CLSTN2: variants seen among roughly 807,000 people sequenced by gnomAD.
CLSTN2 encodes the protein calsyntenin-2.
In CLSTN2, 48 loss-of-function variants were observed where a neutral mutation model predicts 101.2. That is an observed-to-expected ratio of 0.47 (90% confidence interval 0.38 to 0.60). CLSTN2 has a LOEUF of 0.60. CLSTN2 is among the 20% of genes least tolerant of loss of function. CLSTN2 has a pLI of 0.00. For missense variants in CLSTN2, 1,160 were observed against 1,238.2 expected (o/e 0.94, Z 0.95); for synonymous variants, 481 against 463.6 (o/e 1.04, Z -0.48).
intron 2 of CLSTN2, among the ~76,000 whole-genome samples, chr3:140,380,260 TAATC>T (rs1223655813): frequency 2.0e-5 from 3 of 152,156 alleles, no homozygotes; most frequent in African/African-American, 7.2e-5. Flanking sequence ...GACCCCATCA[TAATC>T]AACCCATTGT....
chr3:140,456,656 G>A (rs887262034), intron 6 of CLSTN2, among the ~76,000 whole-genome samples: 14 of 151,984 alleles, frequency 9.2e-5, no homozygotes, highest in African/African-American at 3.1e-4. Context: ...ACATAGTGGC[G>A]CATGCCTGTA....
intron 2 of CLSTN2, among the ~76,000 whole-genome samples, chr3:140,377,042 A>AGAGAGAGGATG (rs143529942): frequency 2.0e-5 from 3 of 149,688 alleles, no homozygotes; most frequent in African/African-American, 4.9e-5. Flanking sequence ...GAGAGAGAGG[A>AGAGAGAGGATG]TGTGTGTGTG....
chr3:140,214,425 G>A (rs1243494476), intron 2 of CLSTN2, among the ~76,000 whole-genome samples: 3 of 149,252 alleles, frequency 2.0e-5, no homozygotes, highest in Non-Finnish European at 4.4e-5. Flanking sequence ...TTGCACTCCA[G>A]CCTGGGCCTT....
rs190833562 is a variant in CLSTN2 at position 140,132,152 on chromosome 3, A to G, written c.110-43799A>G. On this transcript the variant is annotated intron_variant, in intron 1 of 16. Coordinates refer to ENST00000458420, the MANE Select transcript of CLSTN2 (RefSeq NM_022131.3). ...TCGCTATTCTGCATGGCAGGCTCAC[A>G]TAACTCATGTTGGTTTGAAGTTTAA... is the stretch of plus-strand genomic sequence containing the variant. Among the ~76,000 whole-genome samples, 6 of 152,318 alleles carry G rather than the reference A, an allele frequency of 3.9e-5. No individual in the cohort carries two copies. The East Asian group carries it at 5.8e-4, about 15-fold the overall frequency.
rs528600642 is a variant in CLSTN2 at position 140,284,807 on chromosome 3, A to G, written c.232+108734A>G. Among the ~76,000 whole-genome samples the G allele has an allele frequency of 2.6e-5, 4 of 152,088 alleles. No homozygotes were observed. The East Asian group carries it at 7.8e-4, about 30-fold the overall frequency. ...TGTCCCATCTGCTTGTTCTGACACTACAGACCAGGGAGGTGGACAGAGTTA... is the reference window on the plus strand; with the variant it reads ...TGTCCCATCTGCTTGTTCTGACACTGCAGACCAGGGAGGTGGACAGAGTTA... On this transcript the variant is annotated intron_variant, in intron 2 of 16. Transcript: ENST00000458420.
At chr3:140,448,807 C>A (rs550139289) in intron 6 of CLSTN2, 103 bp downstream of exon 6, 2 of 1,019,048 alleles carry the variant, frequency 2.0e-6, no homozygotes, top group East Asian at 2.5e-5. Context: ...CCCTCCCTTC[C>A]TGCACTGATA....
chr3:140,454,868 C>T (rs1258313792), intron 6 of CLSTN2: 2 of 152,182 alleles, frequency 1.3e-5, no homozygotes, highest in Non-Finnish European at 2.9e-5. Flanking sequence ...GTCTCATGGC[C>T]AAGCTGATAT....
chr3:140,158,337 T>C (rs1197853795), intron 1 of CLSTN2, among the ~76,000 whole-genome samples: 1 of 152,142 alleles, frequency 6.6e-6, no homozygotes, highest in African/African-American at 2.4e-5. Context: ...CTAGAACTGA[T>C]AAATGACTTT....
rs540261886 is a variant in CLSTN2, at chr3:140,360,816, G to A, written c.233-42813G>A. Among the ~76,000 whole-genome samples, 25 of 152,162 alleles carry A rather than the reference G, an allele frequency of 1.6e-4. No individual in the cohort carries two copies. In the South Asian group the frequency reaches 4.6e-3, roughly 28 times the overall value. ...ATTAAAACTGACTCAAAAAGAAATA[G>A]AAAATCAGAATAGACTTCAATAAGC... On this transcript the variant is annotated intron_variant, in intron 2 of 16. Coordinates refer to ENST00000458420, the MANE Select transcript of CLSTN2 (RefSeq NM_022131.3).
intron 1 of CLSTN2, among the ~76,000 whole-genome samples, chr3:139,976,708 C>T (rs1032428624): frequency 1.3e-5 from 2 of 152,164 alleles, no homozygotes; most frequent in African/African-American, 2.4e-5. Flanking sequence ...CTACTGTGGC[C>T]TCGGACTGGT....
chr3:140,211,398 TCACACA>T (rs59994883), intron 2 of CLSTN2, among the ~76,000 whole-genome samples: 3 of 113,486 alleles, frequency 2.6e-5, no homozygotes, highest in Non-Finnish European at 3.5e-5. Context: ...GCTTGGTAAT[TCACACA>T]CACACACACA....
chr3:140,248,240 A>C (rs1231903119), intron 2 of CLSTN2, among the ~76,000 whole-genome samples: 1 of 152,234 alleles, frequency 6.6e-6, no homozygotes, highest in African/African-American at 2.4e-5. Context: ...AGGAAAAGCC[A>C]AAGGGGCTAT....
intron 2 of CLSTN2, among the ~76,000 whole-genome samples, chr3:140,353,797 A>C (rs1464630958): frequency 2.0e-5 from 3 of 152,164 alleles, no homozygotes; most frequent in Non-Finnish European, 4.4e-5. Context: ...TTCAATTCTA[A>C]ATAGTAATAC....
intron 1 of CLSTN2, among the ~76,000 whole-genome samples, chr3:140,121,866 G>T (rs1560101412): frequency 1.3e-5 from 2 of 152,122 alleles, no homozygotes; most frequent in Admixed American, 6.5e-5. Context: ...GGAGGACTAC[G>T]CTGCCAACAC....
At chr3:140,022,538 G>T (rs1190474746) in intron 1 of CLSTN2, among the ~76,000 whole-genome samples, 1 of 152,216 alleles carries the variant, frequency 6.6e-6, no homozygotes, top group African/African-American at 2.4e-5. Context: ...ACCAGGCCAG[G>T]AGACTGGGCG....
chr3:140,060,337 G>T (rs1258405127), intron 1 of CLSTN2, among the ~76,000 whole-genome samples: 1 of 152,124 alleles, frequency 6.6e-6, no homozygotes, highest in Non-Finnish European at 1.5e-5. Context: ...GGGGGTCATG[G>T]GAAGAAGACT....
chr3:140,452,428 A>G (rs1933274842), intron 6 of CLSTN2: 1 of 152,170 alleles, frequency 6.6e-6, no homozygotes, highest in African/African-American at 2.4e-5. Flanking sequence ...CTCTATGCAC[A>G]CCAGGAGTCA....
At chr3:140,475,068 A>G (rs557769858) in intron 8 of CLSTN2, among the ~76,000 whole-genome samples, 2 of 137,942 alleles carry the variant, frequency 1.4e-5, no homozygotes, top group African/African-American at 5.0e-5. Context: ...CCTTCTAAAT[A>G]AACTCTCTGC....
chr3:140,207,591 T>G (rs930021614), intron 2 of CLSTN2, among the ~76,000 whole-genome samples: 1 of 152,246 alleles, frequency 6.6e-6, no homozygotes, highest in African/African-American at 2.4e-5. Context: ...TGAGGATTTA[T>G]GTTCATGGTG....
Sources: gnomAD v4.1 joint callset for allele counts (sites outside exome capture counted in the v4.1 genomes callset) on GRCh38, gnomAD v4.1.1 for gene constraint, MANE v1.5 for transcripts, NCBI Gene and HGNC (gene_info 2026-07-23, HGNC 2026-07-21) for gene names.